Variants in SRPX observed in about 807,000 individuals in gnomAD.
SRPX encodes sushi repeat-containing protein SRPX.
In SRPX, 24 loss-of-function variants were observed where a neutral mutation model predicts 38.1. The observed-to-expected ratio is 0.63, with a 90% CI of 0.46 to 0.89. The LOEUF (loss-of-function observed/expected upper bound fraction) is 0.89. Ranked by LOEUF, SRPX falls within the 40% of genes least tolerant of loss-of-function variation. The probability of loss-of-function intolerance (pLI) is 0.00; values close to 1 mark genes in which losing one functional copy is unlikely to be tolerated. For synonymous variants in SRPX, 184 were observed against 153.8 expected, an observed-to-expected ratio of 1.20 and a Z score of -1.45; for missense variants, 416 against 377.8, an observed-to-expected ratio of 1.10 and a Z score of -0.84.
At chrX:38,189,404 C>T (rs1459344478) in intron 1 of SRPX, among the ~76,000 whole-genome samples, 3 of 111,780 alleles carry the variant, frequency 2.7e-5, no homozygotes, top group African/African-American at 9.8e-5. Context: ...TCTTTAAGTC[C>T]TCAGTGCAAC....
At chrX:38,152,317 T>A (rs1394725783) in intron 9 of SRPX, among the ~76,000 whole-genome samples, 1 of 112,339 alleles carries the variant, frequency 8.9e-6, no homozygotes, top group East Asian at 2.8e-4. Context: ...CTGTATGACA[T>A]TTACCTGGAC....
In SRPX at chrX:38,154,474, G is replaced by A. The variant is rs780393009; in HGVS notation, c.1199C>T (p.Ala400Val). ...AACTTCCCCCTACCTGAGCTGCAGC[G>A]CTAGGGCTGGAGGCATAATCTTTGC... ...IGAKIMPPALALQLRLLLRIP... is the reference protein window; with the variant it reads ...IGAKIMPPALVLQLRLLLRIP... Residue 400 changes from alanine (A) to valine (V), a missense_variant, in exon 9 of 10, where the codon GCG (alanine) becomes GTG (valine). Transcript: ENST00000378533. 1.5e-5 allele frequency: 18 copies of A among 1,202,630 alleles called. No homozygotes were observed. The highest frequency in any genetic ancestry group is 1.5e-4 in the East Asian group (5 of 33,565).
At chrX:38,177,623 C>T (rs1364729230) in intron 2 of SRPX, among the ~76,000 whole-genome samples, 1 of 109,182 alleles carries the variant, frequency 9.2e-6, no homozygotes, top group Non-Finnish European at 1.9e-5. Context: ...TCTAAATTTA[C>T]CTTCATTTCT....
chrX:38,151,321 A>G (rs1297739227), intron 9 of SRPX, among the ~76,000 whole-genome samples: 1 of 112,070 alleles, frequency 8.9e-6, no homozygotes, highest in African/African-American at 3.2e-5. Flanking sequence ...GAATGAAGAG[A>G]TAAAATGCTC....
chrX:38,194,608 A>G (rs941187676), intron 1 of SRPX, among the ~76,000 whole-genome samples: 2 of 111,960 alleles, frequency 1.8e-5, no homozygotes, highest in African/African-American at 6.5e-5. Flanking sequence ...ACAAGAACAT[A>G]AAACTAGCAA....
At chrX:38,158,763 G>A (rs1037910329) in intron 7 of SRPX, among the ~76,000 whole-genome samples, 2 of 111,432 alleles carry the variant, frequency 1.8e-5, no homozygotes, top group African/African-American at 3.3e-5. Flanking sequence ...TGCAGATCAC[G>A]AGGTCAGGAG....
chrX:38,178,187 G>A, intron 2 of SRPX, 98 bp downstream of exon 2: 1 of 552,861 alleles, frequency 1.8e-6, no homozygotes, highest in Non-Finnish European at 2.9e-6. Flanking sequence ...ACTTAAATGT[G>A]TTGTCTGGTC....
chrX:38,155,971 G>A (rs1207380038), intron 8 of SRPX, among the ~76,000 whole-genome samples: 1 of 112,202 alleles, frequency 8.9e-6, no homozygotes, highest in African/African-American at 3.2e-5. Context: ...CGTGGGAAGA[G>A]TGAAAAGAGA....
intron 1 of SRPX, among the ~76,000 whole-genome samples, chrX:38,200,354 T>G (rs1007713489): frequency 8.9e-6 from 1 of 112,492 alleles, no homozygotes; most frequent in East Asian, 2.8e-4. Context: ...AGATCATCTT[T>G]TACTGAATCT....
At chrX:38,206,230 C>T (rs1054409954) in intron 1 of SRPX, among the ~76,000 whole-genome samples, 11 of 111,666 alleles carry the variant, frequency 9.9e-5, no homozygotes, top group Admixed American at 2.8e-4. Flanking sequence ...GCCATCCCAG[C>T]GATTTCAGTC....
At chrX:38,185,023 G>A (rs1010511404) in intron 1 of SRPX, among the ~76,000 whole-genome samples, 1 of 111,871 alleles carries the variant, frequency 8.9e-6, no homozygotes, top group African/African-American at 3.2e-5. Flanking sequence ...GCCACATGTG[G>A]TTAATAGCTA....
intron 1 of SRPX, among the ~76,000 whole-genome samples, chrX:38,189,573 C>T (rs1169035397): frequency 1.8e-5 from 2 of 111,714 alleles, no homozygotes; most frequent in African/African-American, 3.3e-5. Context: ...AAATCTCATG[C>T]AATTTCACTC....
chrX:38,218,161 AC>A (rs1473019555), intron 1 of SRPX, among the ~76,000 whole-genome samples: 1 of 111,457 alleles, frequency 9.0e-6, no homozygotes, highest in Admixed American at 9.5e-5. Flanking sequence ...GACTAGTAAA[AC>A]CACGCTACTT....
At chrX:38,162,886 G>A (rs756790187) in intron 5 of SRPX, among the ~76,000 whole-genome samples, 16 of 112,734 alleles carry the variant, frequency 1.4e-4, no homozygotes, top group Non-Finnish European at 2.4e-4. Flanking sequence ...AAAGAACAAG[G>A]TGAATATTCT....
At chrX:38,164,666 C>G in intron 5 of SRPX, 103 bp downstream of exon 5, 1 of 946,018 alleles carries the variant, frequency 1.1e-6, no homozygotes, top group Admixed American at 3.2e-5. Flanking sequence ...GGGACCACAT[C>G]TGAAAGCATA....
At chrX:38,159,263 G>C (rs1938193160) in intron 7 of SRPX, among the ~76,000 whole-genome samples, 1 of 112,200 alleles carries the variant, frequency 8.9e-6, no homozygotes, top group Non-Finnish European at 1.9e-5. Context: ...ACATGAAATT[G>C]AAGAATCTCA....
chrX:38,204,626 G>T (rs965462536), intron 1 of SRPX, among the ~76,000 whole-genome samples: 1 of 111,682 alleles, frequency 9.0e-6, no homozygotes, highest in Admixed American at 9.5e-5. Flanking sequence ...ATTATTTGGC[G>T]TTCATCCAAG....
intron 1 of SRPX, among the ~76,000 whole-genome samples, chrX:38,206,308 G>A (rs907025880): frequency 8.9e-6 from 1 of 112,319 alleles, no homozygotes; most frequent in Non-Finnish European, 1.9e-5. Flanking sequence ...ACCCAGATGA[G>A]TCACCCCAGA....
chrX:38,158,713 T>A (rs1334159572), intron 7 of SRPX, among the ~76,000 whole-genome samples: 1 of 111,747 alleles, frequency 8.9e-6, no homozygotes, highest in Non-Finnish European at 1.9e-5. Context: ...GGGCGCAGTG[T>A]CTCACATCTG....
Sources: allele counts gnomAD v4.1 joint callset (sites outside exome capture counted in the v4.1 genomes callset), GRCh38; gene constraint gnomAD v4.1.1; transcripts MANE v1.5; gene names NCBI Gene and HGNC (gene_info 2026-07-23, HGNC 2026-07-21).